Variants in COL15A1 observed in about 807,000 individuals in gnomAD.
COL15A1 encodes collagen type XV alpha 1 chain.
In COL15A1, 111 loss-of-function variants were observed where a neutral mutation model predicts 165.9. The observed-to-expected ratio is 0.67, with a 90% CI of 0.57 to 0.78. The LOEUF is 0.78. Among genes scored for constraint, COL15A1 ranks in the 30% least tolerant of loss-of-function variants. The pLI, the probability that COL15A1 is intolerant of heterozygous loss-of-function variation, is 0.00. For synonymous variants in COL15A1, 659 were observed against 674.8 expected (o/e 0.98, Z 0.36); for missense variants, 1,745 against 1,789.7 (o/e 0.98, Z 0.45).
chr9:99,012,703 CTTTTTT>C (rs1156464062), intron 9 of COL15A1, among the ~76,000 whole-genome samples: 3 of 99,742 alleles, frequency 3.0e-5, no homozygotes, highest in African/African-American at 8.5e-5. Flanking sequence ...GTTTCCCACC[CTTTTTT>C]TTTTTTTTTT....
chr9:99,024,220 C>G (rs1303715273), intron 14 of COL15A1, among the ~76,000 whole-genome samples: 2 of 151,848 alleles, frequency 1.3e-5, no homozygotes, highest in African/African-American at 4.8e-5. Context: ...GCTAAAAACA[C>G]TAGTGCACTT....
chr9:98,965,099 A>C (rs1837935598), intron 2 of COL15A1, among the ~76,000 whole-genome samples: 1 of 152,124 alleles, frequency 6.6e-6, no homozygotes, highest in African/African-American at 2.4e-5. Context: ...CCTTCGCACC[A>C]CATTCCAGAT....
intron 7 of COL15A1, 113 bp downstream of exon 7, chr9:99,001,064 A>G: frequency 1.5e-6 from 1 of 683,930 alleles, no homozygotes; most frequent in Non-Finnish European, 2.7e-6. Context: ...TTTTGGTTGA[A>G]TAGCATCAAG....
chr9:99,020,289 CCCAGCTCACTGA>C, intron 11 of COL15A1, 88 bp from the exon 12 acceptor site: 1 of 859,024 alleles, frequency 1.2e-6, no homozygotes, highest in Non-Finnish European at 2.0e-6. Context: ...CTAGCTCATG[CCCAGCTCACTGA>C]CCAGGACCAG....
At position 99,048,391 on chromosome 9, in the gene COL15A1, G is replaced by A. The variant is rs889842895; in HGVS notation, c.2793+391G>A. Among the ~76,000 whole-genome samples the A allele has an allele frequency of 1.8e-4, 27 of 152,096 alleles. 1 individual carries two copies. Among genetic ancestry groups the A allele is most frequent in the African/African-American group, 6.3e-4 (26 of 41,400 alleles). ...GTGAGTGCTGGAAGTCAGTATCAAA[G>A]GCAGATCAGCTACTTAGGTGGGGCC... On this transcript the variant is annotated intron_variant, in intron 28 of 41. Transcript: ENST00000375001.
chr9:99,001,651 A>G lies in COL15A1; in HGVS notation c.1065+700A>G, dbSNP rs566903869. ...TAGGAAACTGCCAGGAAAGGGAAGC[A>G]TGGTTAGGGGTTTCCTCTCTATTTT... is the stretch of plus-strand genomic sequence containing the variant. On this transcript the variant is annotated intron_variant, in intron 7 of 41. Coordinates refer to ENST00000375001, the MANE Select transcript of COL15A1 (RefSeq NM_001855.5). Among the ~76,000 whole-genome samples the G allele has an allele frequency of 2.1e-4, 32 of 152,330 alleles. 1 individual carries two copies. The South Asian group carries it at 6.4e-3, about 31-fold the overall frequency.
intron 39 of COL15A1, among the ~76,000 whole-genome samples, chr9:99,064,800 TG>T (rs1232262373): frequency 6.6e-6 from 1 of 152,128 alleles, no homozygotes; most frequent in Non-Finnish European, 1.5e-5. Flanking sequence ...GAAGAGTCAG[TG>T]GGAAGTGAAG....
chr9:99,038,831 T>C, intron 22 of COL15A1, 98 bp downstream of exon 22: 1 of 755,274 alleles, frequency 1.3e-6, no homozygotes, highest in Non-Finnish European at 2.4e-6. Flanking sequence ...TCCTGAAGCG[T>C]AGAGCTAGAA....
chr9:99,005,184 G>C, intron 9 of COL15A1, 134 bp downstream of exon 9: 2 of 956,028 alleles, frequency 2.1e-6, no homozygotes, highest in Admixed American at 6.0e-5. Context: ...TACTCACTTG[G>C]GGGTGGAGTT....
intron 2 of COL15A1, among the ~76,000 whole-genome samples, chr9:98,944,989 C>T (rs2118729977): frequency 6.6e-6 from 1 of 152,332 alleles, no homozygotes; most frequent in South Asian, 2.1e-4. Flanking sequence ...CAATGGATTT[C>T]ATCGCTCTGT....
intron 2 of COL15A1, among the ~76,000 whole-genome samples, chr9:98,972,834 A>C (rs949460530): frequency 2.6e-5 from 4 of 152,198 alleles, no homozygotes; most frequent in African/African-American, 9.6e-5. Flanking sequence ...CTGAGGGAAC[A>C]CAGAAGTATG....
intron 2 of COL15A1, among the ~76,000 whole-genome samples, chr9:98,975,907 A>G (rs563011282): frequency 0.041 from 6,253 of 152,264 alleles, 421 homozygotes; most frequent in African/African-American, 0.14. Flanking sequence ...TTTAGATGTA[A>G]GAAGATGGGG....
In COL15A1 at chr9:99,015,578, C is replaced by T. The variant is rs771232853; in HGVS notation, c.1503+12C>T. The T allele has an allele frequency of 1.2e-6, 2 of 1,612,434 alleles. No homozygotes were observed. The highest frequency in any genetic ancestry group is 1.7e-6 in the Non-Finnish European group (2 of 1,178,974). ...GGGCAGTCACTTCTGTAAGTGTCAT[C>T]TTGTGTCCTCTCTGGCTCACAGGGG... is the stretch of plus-strand genomic sequence containing the variant. On this transcript the variant is annotated intron_variant, in intron 10 of 41. Transcript: ENST00000375001.
intron 5 of COL15A1, among the ~76,000 whole-genome samples, chr9:98,994,153 T>TG (rs1208625081): frequency 2.5e-5 from 3 of 121,722 alleles, no homozygotes; most frequent in Non-Finnish European, 5.2e-5. Context: ...GGCACTGTGT[T>TG]GGGGGGATTG....
At chr9:99,050,372 CTG>C (rs35024114) in intron 30 of COL15A1, among the ~76,000 whole-genome samples, 17,568 of 152,202 alleles carry the variant, frequency 0.12, 1,082 homozygotes, top group South Asian at 0.2. Context: ...ATGAAACAAA[CTG>C]TGACTCAGAG....
chr9:98,987,520 T>G, intron 4 of COL15A1, 152 bp downstream of exon 4: 1 of 638,836 alleles, frequency 1.6e-6, no homozygotes, highest in Non-Finnish European at 2.6e-6. Flanking sequence ...TTGGCGTGAT[T>G]TCACTTTTTA....
chr9:98,960,993 T>C (rs1383241368), intron 2 of COL15A1, among the ~76,000 whole-genome samples: 2 of 152,180 alleles, frequency 1.3e-5, no homozygotes, highest in Non-Finnish European at 2.9e-5. Context: ...TGGAGGGAGA[T>C]AAACAATCAT....
At chr9:99,060,254 A>AT (rs1159740986) in intron 36 of COL15A1, among the ~76,000 whole-genome samples, 30 of 140,726 alleles carry the variant, frequency 2.1e-4, no homozygotes, top group Admixed American at 1.0e-3. Flanking sequence ...ATATATATAT[A>AT]TATTTTTTTT....
chr9:98,979,748 T>C (rs1270337319), intron 2 of COL15A1, among the ~76,000 whole-genome samples: 1 of 152,210 alleles, frequency 6.6e-6, no homozygotes. Flanking sequence ...AATTAATTTC[T>C]GTTTTAAAGC....
Sources: gnomAD v4.1 joint callset for allele counts (sites outside exome capture counted in the v4.1 genomes callset) on GRCh38, gnomAD v4.1.1 for gene constraint, MANE v1.5 for transcripts, NCBI Gene and HGNC (gene_info 2026-07-23, HGNC 2026-07-21) for gene names.